Variants in CPE observed in about 807,000 individuals in gnomAD.
CPE encodes carbocypeptidase E.
Under a neutral mutation model 53.5 loss-of-function variants are expected in CPE, and 17 were observed. The ratio of observed to expected loss-of-function variants is 0.32; its 90% confidence interval spans 0.22 to 0.48. CPE has a LOEUF of 0.48. CPE is among the 20% of genes least tolerant of loss of function. The pLI is 0.99. For missense variants in CPE, 524 were observed against 614.7 expected, an observed-to-expected ratio of 0.85 and a Z score of 1.56; for synonymous variants, 226 against 228.8, an observed-to-expected ratio of 0.99 and a Z score of 0.11.
intron 1 of CPE, chr4:165,386,204 T>G: frequency 7.8e-6 from 4 of 514,596 alleles, no homozygotes; most frequent in Non-Finnish European, 1.6e-5. Context: ...GCAACAATTA[T>G]TATTACCTCA....
At chr4:165,451,479 ATTATTTAT>A (rs200432846) in intron 1 of CPE, among the ~76,000 whole-genome samples, 1 of 150,344 alleles carries the variant, frequency 6.7e-6, no homozygotes, top group Non-Finnish European at 1.5e-5. Flanking sequence ...AGGTTTTATT[ATTATTTAT>A]TTATTTATTT....
chr4:165,453,368 CTCTT>C (rs1019927312), intron 1 of CPE, among the ~76,000 whole-genome samples: 12 of 147,986 alleles, frequency 8.1e-5, no homozygotes, highest in East Asian at 8.0e-4. Flanking sequence ...CTCTCTCTCT[CTCTT>C]TCTTTCTTTC....
At chr4:165,417,270 A>T (rs751778505) in intron 1 of CPE, among the ~76,000 whole-genome samples, 7 of 152,180 alleles carry the variant, frequency 4.6e-5, no homozygotes, top group Non-Finnish European at 7.3e-5. Flanking sequence ...CTAGAAGTCA[A>T]GTGTAGCCAT....
rs1467116516 is a variant in CPE, at chr4:165,431,011, G to A, written c.308-33379G>A. On this transcript the variant is annotated intron_variant, in intron 1 of 8. Coordinates refer to ENST00000402744, the MANE Select transcript of CPE (RefSeq NM_001873.4). ...AATAAACTCGTCTCACCTGGATGGAGACTTTGTGATCATACCTAAGACAGT... is the reference window on the plus strand; with the variant it reads ...AATAAACTCGTCTCACCTGGATGGAAACTTTGTGATCATACCTAAGACAGT... Among the ~76,000 whole-genome samples, 8 of 152,198 alleles carry A rather than the reference G, an allele frequency of 5.3e-5. 1 individual carries two copies.
Position 165,424,682 on chromosome 4 carries a change from C to A in CPE, c.308-39708C>A, listed in dbSNP as rs1050783679. ...CCGAGTACCTGGGATTACAGGCGCCCGCCACCACGCCCGGCTAATTTTTTT... is the reference window on the plus strand; with the variant it reads ...CCGAGTACCTGGGATTACAGGCGCCAGCCACCACGCCCGGCTAATTTTTTT... On this transcript the variant is annotated intron_variant, in intron 1 of 8. Transcript: ENST00000402744. 1.4e-3 allele frequency among the ~76,000 whole-genome samples: 213 copies of A among 151,704 alleles called. 1 individual carries two copies. The highest frequency in any genetic ancestry group is 4.8e-3 in the African/African-American group (198 of 41,378).
intron 1 of CPE, among the ~76,000 whole-genome samples, chr4:165,456,544 TTC>T (rs1332935162): frequency 6.9e-6 from 1 of 145,420 alleles, no homozygotes; most frequent in Admixed American, 6.7e-5. Context: ...CTTTCTTTGT[TTC>T]TCTCTCTCTT....
chr4:165,411,771 T>C (rs1177695351), intron 1 of CPE, among the ~76,000 whole-genome samples: 5 of 152,178 alleles, frequency 3.3e-5, no homozygotes, highest in African/African-American at 1.2e-4. Flanking sequence ...AAGTGAAAAG[T>C]GTGCTCTTGT....
intron 1 of CPE, among the ~76,000 whole-genome samples, chr4:165,390,544 T>C (rs1579239477): frequency 2.0e-5 from 3 of 152,180 alleles, no homozygotes; most frequent in East Asian, 1.9e-4. Flanking sequence ...AAGAATTCTA[T>C]AAACTTTCCT....
At chr4:165,400,014 T>C (rs1232929590) in intron 1 of CPE, among the ~76,000 whole-genome samples, 33 of 152,210 alleles carry the variant, frequency 2.2e-4, no homozygotes, top group Non-Finnish European at 8.8e-5. Context: ...GCAAAATCTT[T>C]ACAAGTAGGT....
intron 1 of CPE, among the ~76,000 whole-genome samples, chr4:165,413,615 A>G (rs1731077126): frequency 1.3e-5 from 2 of 152,226 alleles, no homozygotes; most frequent in South Asian, 4.1e-4. Context: ...TCAAATAAAA[A>G]GCAAGGATAA....
At chr4:165,440,125 T>C (rs139038929) in intron 1 of CPE, among the ~76,000 whole-genome samples, 187 of 152,288 alleles carry the variant, frequency 1.2e-3, no homozygotes, top group African/African-American at 4.4e-3. Flanking sequence ...TGTGTGTGTT[T>C]TTCTGTTTTT....
intron 1 of CPE, among the ~76,000 whole-genome samples, chr4:165,380,386 T>A (rs1730488208): frequency 6.6e-6 from 1 of 152,180 alleles, no homozygotes; most frequent in Non-Finnish European, 1.5e-5. Flanking sequence ...TTCCTAGGAG[T>A]ATATTAAAGC....
chr4:165,455,910 C>G (rs1182159811), intron 1 of CPE, among the ~76,000 whole-genome samples: 2 of 152,150 alleles, frequency 1.3e-5, no homozygotes, highest in African/African-American at 4.8e-5. Flanking sequence ...GCTTTGGCCT[C>G]CCAAAGTGCT....
chr4:165,491,513 TTTTCATG>T (rs982468670), intron 6 of CPE, among the ~76,000 whole-genome samples: 1 of 152,196 alleles, frequency 6.6e-6, no homozygotes, highest in Non-Finnish European at 1.5e-5. Flanking sequence ...GAAAGTTAAG[TTTTCATG>T]TTTCATGTTT....
chr4:165,425,523 T>C (rs528534396), intron 1 of CPE, among the ~76,000 whole-genome samples: 4 of 152,276 alleles, frequency 2.6e-5, no homozygotes, highest in South Asian at 4.1e-4. Flanking sequence ...CAGAAAATTC[T>C]ACCTGCCCAG....
chr4:165,475,043 A>C (rs1732270381), intron 3 of CPE, among the ~76,000 whole-genome samples: 1 of 152,196 alleles, frequency 6.6e-6, no homozygotes, highest in Non-Finnish European at 1.5e-5. Flanking sequence ...ATAAATACTC[A>C]TGGAAAGCTT....
At chr4:165,481,362 A>AT (rs1200745401) in intron 3 of CPE, among the ~76,000 whole-genome samples, 5 of 152,224 alleles carry the variant, frequency 3.3e-5, no homozygotes, top group African/African-American at 1.2e-4. Flanking sequence ...GAGCAGAGCT[A>AT]TACAAATATG....
At chr4:165,459,971 A>G (rs913063163) in intron 1 of CPE, among the ~76,000 whole-genome samples, 4 of 151,790 alleles carry the variant, frequency 2.6e-5, no homozygotes, top group Non-Finnish European at 5.9e-5. Context: ...AAGATGATGT[A>G]AAAACAACCA....
chr4:165,471,506 T>A (rs559201743), intron 3 of CPE, among the ~76,000 whole-genome samples: 7 of 152,358 alleles, frequency 4.6e-5, no homozygotes, highest in Admixed American at 2.0e-4. Flanking sequence ...CTATCATACT[T>A]GGCCTGGTTA....
Sources: allele counts gnomAD v4.1 joint callset (sites outside exome capture counted in the v4.1 genomes callset), GRCh38; gene constraint gnomAD v4.1.1; transcripts MANE v1.5; gene names NCBI Gene and HGNC (gene_info 2026-07-23, HGNC 2026-07-21).